The following SLCO2A1 variants were observed in gnomAD, a reference collection of about 807,000 sequenced individuals.
The protein encoded by SLCO2A1 is solute carrier organic anion transporter family member 2A1, also known as matrin F/G 1.
Under a neutral mutation model 71.7 loss-of-function variants are expected in SLCO2A1, and 60 were observed. The ratio of observed to expected loss-of-function variants is 0.84; its 90% CI spans 0.68 to 1.04. SLCO2A1 has a LOEUF of 1.04. Ranked by LOEUF, SLCO2A1 falls within the 50% of genes least tolerant of loss-of-function variation. The pLI, the probability that SLCO2A1 is intolerant of heterozygous loss-of-function variation, is 0.00. For missense variants in SLCO2A1, 745 were observed against 813.4 expected (o/e 0.92, Z 1.02); for synonymous variants, 308 against 326.7 (o/e 0.94, Z 0.62).
Position 133,973,828 on chromosome 3 carries a change from G to C in SLCO2A1, c.235-3C>G. 3 of 1,611,968 alleles carry C rather than the reference G, an allele frequency of 1.9e-6. No homozygotes were observed. The highest frequency in any genetic ancestry group is 1.7e-6 in the Non-Finnish European group (2 of 1,179,170). ...ATGATGAGGATGGCATTGCTGATCT[G>C]AGAAGAGAGCAGAAGGGCTGAGTGA... On this transcript the variant is annotated splice_region_variant and splice_polypyrimidine_tract_variant and intron_variant, in intron 2 of 13. Transcript: ENST00000310926.
chr3:134,017,976 C>T (rs139033296), intron 1 of SLCO2A1, among the ~76,000 whole-genome samples: 1 of 152,290 alleles, frequency 6.6e-6, no homozygotes, highest in African/African-American at 2.4e-5. Context: ...GTGAAATGAG[C>T]TATCTATACT....
At chr3:133,956,603 C>T (rs1176436494) in intron 3 of SLCO2A1, among the ~76,000 whole-genome samples, 1 of 152,206 alleles carries the variant, frequency 6.6e-6, no homozygotes, top group Non-Finnish European at 1.5e-5. Flanking sequence ...GTCAGGGTCC[C>T]TCTGTACCTC....
At chr3:133,957,704 C>G (rs1933929985) in intron 3 of SLCO2A1, among the ~76,000 whole-genome samples, 1 of 152,106 alleles carries the variant, frequency 6.6e-6, no homozygotes, top group Admixed American at 6.5e-5. Flanking sequence ...GGGATGTGTG[C>G]TAGAATCTGG....
At chr3:133,945,985 GGTAA>G (rs1022071995) in intron 9 of SLCO2A1, among the ~76,000 whole-genome samples, 49 of 152,270 alleles carry the variant, frequency 3.2e-4, no homozygotes, top group Admixed American at 2.6e-3. Flanking sequence ...GCTTAGATAA[GGTAA>G]GCAACTTCCC....
chr3:133,961,616 TG>T lies in SLCO2A1; in HGVS notation c.398-6424del, dbSNP rs373086343. On this transcript the variant is annotated intron_variant, in intron 3 of 13. Coordinates refer to ENST00000310926, the MANE Select transcript of SLCO2A1 (RefSeq NM_005630.3). ...GCAGTGTTCAGGAGGTGAAACTTTCTGGGGATTGTTTAACTGCTACCACTAA... is the reference window on the plus strand; with the variant it reads ...GCAGTGTTCAGGAGGTGAAACTTTCTGGGATTGTTTAACTGCTACCACTAA... Among the ~76,000 whole-genome samples, 42 of 152,344 alleles carry T rather than the reference TG, an allele frequency of 2.8e-4. No individual in the cohort carries two copies. The South Asian group carries it at 3.7e-3, about 14-fold the overall frequency.
chr3:133,999,636 G>A (rs1282774467), intron 1 of SLCO2A1, among the ~76,000 whole-genome samples: 2 of 152,178 alleles, frequency 1.3e-5, no homozygotes, highest in Admixed American at 1.3e-4. Context: ...GGAAGATGAG[G>A]AGAGATCCCT....
intron 1 of SLCO2A1, among the ~76,000 whole-genome samples, chr3:134,009,677 CAAAG>C (rs1392866049): frequency 3.3e-5 from 5 of 152,182 alleles, no homozygotes; most frequent in Admixed American, 2.0e-4. Context: ...AGGGAATGCG[CAAAG>C]AAAGAGGAAA....
intron 1 of SLCO2A1, among the ~76,000 whole-genome samples, chr3:134,027,530 C>T (rs1935722529): frequency 6.6e-6 from 1 of 152,224 alleles, no homozygotes; most frequent in African/African-American, 2.4e-5. Context: ...GAATTGCTCA[C>T]TCGGGGAGCT....
Position 134,020,847 on chromosome 3 carries a change from G to A in SLCO2A1, c.96+8860C>T, listed in dbSNP as rs547406220. On this transcript the variant is annotated intron_variant, in intron 1 of 13. Transcript: ENST00000310926. ...TTTGAATTGCTTGACAGGACTGGTC[G>A]TGAGAACTTGCCCACTCCATTTGAG... 1.0e-2 allele frequency among the ~76,000 whole-genome samples: 1,111 copies of A among 111,324 alleles called. 20 individuals are homozygous for A. The highest frequency in any genetic ancestry group is 0.038 in the African/African-American group (1,082 of 28,830). The allele number at this position is 111,324 out of a possible 152,430, so 73.0% of individuals were successfully genotyped here.
At chr3:133,980,007 C>A (rs1934550749) in intron 1 of SLCO2A1, among the ~76,000 whole-genome samples, 1 of 152,142 alleles carries the variant, frequency 6.6e-6, no homozygotes, top group Non-Finnish European at 1.5e-5. Context: ...CTGCCCTCCT[C>A]CTGTGCCCTG....
At chr3:133,936,365 A>G (rs1039424745) in intron 12 of SLCO2A1, among the ~76,000 whole-genome samples, 1 of 152,070 alleles carries the variant, frequency 6.6e-6, no homozygotes, top group African/African-American at 2.4e-5. Context: ...CAGACTTGGA[A>G]CCCTGGTTTA....
At chr3:134,022,148 T>C (rs1361353516) in intron 1 of SLCO2A1, among the ~76,000 whole-genome samples, 1 of 151,606 alleles carries the variant, frequency 6.6e-6, no homozygotes, top group African/African-American at 2.4e-5. Flanking sequence ...CTGAAATAAA[T>C]TAACTAGTTG....
chr3:133,948,279 A>G (rs922543529), intron 8 of SLCO2A1, among the ~76,000 whole-genome samples: 1 of 152,208 alleles, frequency 6.6e-6, no homozygotes, highest in African/African-American at 2.4e-5. Context: ...TCAGACTTCC[A>G]GCCCCTTTAC....
chr3:133,960,672 A>C lies in SLCO2A1; in HGVS notation c.398-5479T>G, dbSNP rs150434391. Among the ~76,000 whole-genome samples the C allele has an allele frequency of 4.8e-4, 73 of 152,342 alleles. 1 individual carries two copies. In the East Asian group the frequency reaches 0.014, roughly 29 times the overall value. On this transcript the variant is annotated intron_variant, in intron 3 of 13. Coordinates refer to ENST00000310926, the MANE Select transcript of SLCO2A1 (RefSeq NM_005630.3). ...TTGTGAACGTACCTTAATGCCACTG[A>C]ACTATACACTTAAAAGTGGTTAAAC...
intron 13 of SLCO2A1, 127 bp from the exon 14 acceptor site, chr3:133,934,957 G>A (rs1933232937): frequency 1.5e-6 from 1 of 686,566 alleles, no homozygotes; most frequent in Non-Finnish European, 2.5e-6. Context: ...CACCATCCAG[G>A]TGAGGATCAC....
At chr3:133,991,592 A>C (rs564433539) in intron 1 of SLCO2A1, among the ~76,000 whole-genome samples, 59 of 151,938 alleles carry the variant, frequency 3.9e-4, no homozygotes, top group Non-Finnish European at 3.0e-5. Context: ...TTGATAAGAC[A>C]TGGTCCTGTG....
At chr3:133,961,420 T>C (rs1472097300) in intron 3 of SLCO2A1, among the ~76,000 whole-genome samples, 1 of 152,216 alleles carries the variant, frequency 6.6e-6, no homozygotes. Flanking sequence ...TTAATTTATT[T>C]AATACATATT....
intron 1 of SLCO2A1, among the ~76,000 whole-genome samples, chr3:133,999,064 G>C (rs560706408): frequency 3.3e-5 from 5 of 152,246 alleles, no homozygotes; most frequent in Admixed American, 6.5e-5. Flanking sequence ...ACACCGCCTC[G>C]CCAGGATGCC....
intron 1 of SLCO2A1, among the ~76,000 whole-genome samples, chr3:134,010,510 T>C (rs1470071197): frequency 1.3e-5 from 2 of 151,744 alleles, no homozygotes; most frequent in Non-Finnish European, 2.9e-5. Context: ...TCCCAGCACT[T>C]TGGGAGGCCA....
Sources: allele counts gnomAD v4.1 joint callset (sites outside exome capture counted in the v4.1 genomes callset), GRCh38; gene constraint gnomAD v4.1.1; transcripts MANE v1.5; gene names NCBI Gene and HGNC (gene_info 2026-07-23, HGNC 2026-07-21).